CNTNAP5: variants seen among roughly 807,000 people sequenced by gnomAD.
CNTNAP5 encodes the protein contactin associated protein family member 5.
In CNTNAP5, 72 loss-of-function variants were observed where a neutral mutation model predicts 150.2. That is an observed-to-expected ratio of 0.48 (90% CI 0.40 to 0.58). The LOEUF (loss-of-function observed/expected upper bound fraction) is 0.58, where lower values mean the gene tolerates loss of function less well. Ranked by LOEUF, CNTNAP5 falls within the 20% of genes least tolerant of loss-of-function variation. The pLI is 0.00. For synonymous variants in CNTNAP5, 672 were observed against 619.8 expected (o/e 1.08, Z -1.25); for missense variants, 1,636 against 1,626.2 (o/e 1.01, Z -0.10).
intron 19 of CNTNAP5, among the ~76,000 whole-genome samples, chr2:124,852,438 A>G (rs1461577613): frequency 6.6e-6 from 1 of 152,200 alleles, no homozygotes; most frequent in Non-Finnish European, 1.5e-5. Flanking sequence ...TTAGGGGAAC[A>G]TAAAGTAGGT....
In CNTNAP5 at chr2:124,832,214, A is replaced by C. The variant is rs1682730658; in HGVS notation, c.3218-33092A>C. On this transcript the variant is annotated intron_variant, in intron 19 of 23. Coordinates refer to ENST00000682447, the MANE Select transcript of CNTNAP5 (RefSeq NM_001367498.1). ...CAATTTTATTTTTATTTTATCCATA[A>C]TTTTTAAACAAGCTTATTTATTAAG... Among the ~76,000 whole-genome samples the C allele has an allele frequency of 2.0e-5, 3 of 152,054 alleles. No homozygotes were observed. The South Asian group carries it at 6.2e-4, about 31-fold the overall frequency.
chr2:124,744,192 T>A (rs2105141641), intron 13 of CNTNAP5, among the ~76,000 whole-genome samples: 1 of 152,148 alleles, frequency 6.6e-6, no homozygotes, highest in East Asian at 1.9e-4. Context: ...TGGGTGCAAT[T>A]TGCCCCATTC....
chr2:124,553,272 G>A (rs1034926631), intron 10 of CNTNAP5, among the ~76,000 whole-genome samples: 1 of 152,140 alleles, frequency 6.6e-6, no homozygotes, highest in Non-Finnish European at 1.5e-5. Flanking sequence ...GGGAGGCCGA[G>A]GCAGGCAGAT....
intron 13 of CNTNAP5, among the ~76,000 whole-genome samples, chr2:124,679,738 T>C (rs911492068): frequency 4.0e-5 from 6 of 151,664 alleles, no homozygotes; most frequent in African/African-American, 1.4e-4. Flanking sequence ...CTAATTTTTG[T>C]AATTTTTGTA....
At chr2:124,871,323 T>C (rs562080490) in intron 21 of CNTNAP5, among the ~76,000 whole-genome samples, 2 of 149,486 alleles carry the variant, frequency 1.3e-5, no homozygotes, top group East Asian at 3.9e-4. Context: ...ATTTTACCTT[T>C]AATCTTGGAA....
At chr2:124,257,416 T>C (rs1264326881) in intron 3 of CNTNAP5, among the ~76,000 whole-genome samples, 2 of 152,210 alleles carry the variant, frequency 1.3e-5, no homozygotes, top group Non-Finnish European at 2.9e-5. Context: ...GTTCAATACG[T>C]CCATGACTGG....
At chr2:124,393,070 T>C (rs929580950) in intron 3 of CNTNAP5, among the ~76,000 whole-genome samples, 1 of 152,160 alleles carries the variant, frequency 6.6e-6, no homozygotes, top group Non-Finnish European at 1.5e-5. Flanking sequence ...TTAGTTTCCT[T>C]ATCATGTAAT....
At chr2:124,829,592 T>C (rs978322472) in intron 19 of CNTNAP5, among the ~76,000 whole-genome samples, 18 of 150,488 alleles carry the variant, frequency 1.2e-4, no homozygotes, top group Non-Finnish European at 2.5e-4. Flanking sequence ...AGTTACAAAT[T>C]AGAAATTAAA....
At chr2:124,229,549 A>C (rs1163100448) in intron 2 of CNTNAP5, among the ~76,000 whole-genome samples, 1 of 152,180 alleles carries the variant, frequency 6.6e-6, no homozygotes. Context: ...AAAAACAAAC[A>C]CAACAAAATA....
chr2:124,440,655 A>G (rs528106055), intron 5 of CNTNAP5, among the ~76,000 whole-genome samples: 2 of 152,280 alleles, frequency 1.3e-5, no homozygotes, highest in Non-Finnish European at 2.9e-5. Context: ...CAAGCTTCCT[A>G]TAAAAATTGT....
intron 1 of CNTNAP5, among the ~76,000 whole-genome samples, chr2:124,171,064 G>A (rs78309851): frequency 0.11 from 16,966 of 152,176 alleles, 1,027 homozygotes; most frequent in Middle Eastern, 0.2. Context: ...AAGTTGCTGA[G>A]AACTATAGTA....
chr2:124,088,676 G>A (rs1682751071), intron 1 of CNTNAP5, among the ~76,000 whole-genome samples: 1 of 151,774 alleles, frequency 6.6e-6, no homozygotes, highest in Non-Finnish European at 1.5e-5. Context: ...AGTCTCCATT[G>A]GTACCTGACT....
chr2:124,563,043 TA>T (rs1172432463), intron 10 of CNTNAP5, among the ~76,000 whole-genome samples, 173 bp from the exon 11 acceptor site: 2 of 152,248 alleles, frequency 1.3e-5, no homozygotes, highest in Admixed American at 1.3e-4. Flanking sequence ...CCTTTTGTGC[TA>T]AAACTGTAAT....
chr2:124,598,964 C>T (rs1004417518), intron 11 of CNTNAP5, among the ~76,000 whole-genome samples: 16 of 152,158 alleles, frequency 1.1e-4, no homozygotes, highest in African/African-American at 2.9e-4. Flanking sequence ...TGACCCCTTG[C>T]GCTTCCCAGG....
chr2:124,216,539 C>A (rs563929266), intron 1 of CNTNAP5, among the ~76,000 whole-genome samples: 30 of 152,178 alleles, frequency 2.0e-4, no homozygotes, highest in Admixed American at 7.2e-4. Flanking sequence ...TTCCTCCCAC[C>A]TCCTCCCACC....
At chr2:124,614,479 TTA>T (rs1365119184) in intron 12 of CNTNAP5, among the ~76,000 whole-genome samples, 3 of 152,166 alleles carry the variant, frequency 2.0e-5, no homozygotes, top group Admixed American at 1.3e-4. Flanking sequence ...TATTTCTGGA[TTA>T]TATGCTAAAC....
rs567781144 is a variant in CNTNAP5 at position 124,545,651 on chromosome 2, C to A, written c.1650-17566C>A. On this transcript the variant is annotated intron_variant, in intron 10 of 23. Coordinates refer to ENST00000682447, the MANE Select transcript of CNTNAP5 (RefSeq NM_001367498.1). The stretch of plus-strand genomic sequence containing the variant: ...GAATCTGTCAAGAGTGAATTTCAGG[C>A]CTTATCATGTGGAAAACCCAGTTGG... Among the ~76,000 whole-genome samples, 32 of 152,194 alleles carry A rather than the reference C, an allele frequency of 2.1e-4. No individual in the cohort carries two copies. In the South Asian group the frequency reaches 5.8e-3, roughly 28 times the overall value.
intron 5 of CNTNAP5, among the ~76,000 whole-genome samples, chr2:124,435,759 A>G (rs1472784629): frequency 2.6e-5 from 4 of 152,168 alleles, no homozygotes; most frequent in African/African-American, 9.7e-5. Context: ...TAGTGCCCCA[A>G]AACTAAACAA....
At chr2:124,663,819 T>C (rs189440397) in intron 13 of CNTNAP5, among the ~76,000 whole-genome samples, 51 of 152,232 alleles carry the variant, frequency 3.4e-4, no homozygotes, top group Non-Finnish European at 6.6e-4. Flanking sequence ...CTATTTAAAA[T>C]AGCAACATTC....
Sources: gnomAD v4.1 joint callset for allele counts (sites outside exome capture counted in the v4.1 genomes callset) on GRCh38, gnomAD v4.1.1 for gene constraint, MANE v1.5 for transcripts, NCBI Gene and HGNC (gene_info 2026-07-23, HGNC 2026-07-21) for gene names.